The following LPP variants were observed in gnomAD, a reference collection of about 807,000 sequenced individuals.
The protein encoded by LPP is LIM domain containing preferred translocation partner in lipoma.
A neutral mutation model predicts 60.4 loss-of-function variants in LPP; 38 were observed. The observed-to-expected ratio is 0.63, with a 90% CI of 0.49 to 0.83. LPP has a LOEUF of 0.83. Ranked by LOEUF, LPP falls within the 40% of genes least tolerant of loss-of-function variation. The pLI is 0.00. For missense variants in LPP, 902 were observed against 783.6 expected (o/e 1.15, Z -1.80); for synonymous variants, 328 against 290.8 (o/e 1.13, Z -1.30).
At chr3:188,235,620 C>T (rs1721628102) in intron 2 of LPP, among the ~76,000 whole-genome samples, 1 of 152,126 alleles carries the variant, frequency 6.6e-6, no homozygotes, top group African/African-American at 2.4e-5. Context: ...TAAGTGCTGA[C>T]TTACCTTGGG....
At chr3:188,156,973 T>C (rs1345453236) in intron 1 of LPP, among the ~76,000 whole-genome samples, 1 of 152,228 alleles carries the variant, frequency 6.6e-6, no homozygotes, top group Non-Finnish European at 1.5e-5. Context: ...CTGTATTTTA[T>C]TGAGACAAAT....
At chr3:188,159,472 C>T (rs1442322511) in intron 1 of LPP, among the ~76,000 whole-genome samples, 8 of 152,214 alleles carry the variant, frequency 5.3e-5, no homozygotes, top group Admixed American at 1.3e-4. Context: ...CTTCATCTTA[C>T]ATATTTGTGT....
At chr3:188,374,717 G>T (rs1172244540) in intron 3 of LPP, among the ~76,000 whole-genome samples, 1 of 152,012 alleles carries the variant, frequency 6.6e-6, no homozygotes, top group African/African-American at 2.4e-5. Flanking sequence ...CTGCCTGATT[G>T]CCCTGGCCAG....
chr3:188,860,422 G>A (rs907816129), intron 9 of LPP, among the ~76,000 whole-genome samples: 1 of 152,032 alleles, frequency 6.6e-6, no homozygotes, highest in Non-Finnish European at 1.5e-5. Flanking sequence ...TCACATCCCA[G>A]TTCATGTGGA....
At chr3:188,540,935 C>T (rs538255694) in intron 6 of LPP, among the ~76,000 whole-genome samples, 111 of 152,274 alleles carry the variant, frequency 7.3e-4, no homozygotes, top group African/African-American at 2.6e-3. Context: ...CCTTTGGTTT[C>T]TAATGCATGG....
chr3:188,320,291 G>A (rs1369017222), intron 2 of LPP, among the ~76,000 whole-genome samples: 1 of 152,204 alleles, frequency 6.6e-6, no homozygotes, highest in Non-Finnish European at 1.5e-5. Context: ...ATAATGGAAA[G>A]CCGAAACTCC....
intron 2 of LPP, among the ~76,000 whole-genome samples, chr3:188,243,251 A>G (rs766218297): frequency 6.6e-6 from 1 of 152,212 alleles, no homozygotes; most frequent in African/African-American, 2.4e-5. Flanking sequence ...ACACTGTAAA[A>G]CAAACTAGTG....
intron 3 of LPP, among the ~76,000 whole-genome samples, chr3:188,372,491 T>A (rs1306935668): frequency 1.3e-5 from 2 of 151,974 alleles, no homozygotes; most frequent in East Asian, 3.9e-4. Context: ...TCTGGGAGTG[T>A]CTTGTTGTAA....
At chr3:188,474,534 G>C (rs1802693203) in intron 4 of LPP, among the ~76,000 whole-genome samples, 1 of 151,684 alleles carries the variant, frequency 6.6e-6, no homozygotes, top group Non-Finnish European at 1.5e-5. Context: ...ATTGTCTTTG[G>C]AGGGGTTGTA....
At chr3:188,633,772 C>A (rs1848244831) in intron 7 of LPP, among the ~76,000 whole-genome samples, 1 of 152,300 alleles carries the variant, frequency 6.6e-6, no homozygotes, top group Middle Eastern at 3.4e-3. Context: ...TCATTCATAT[C>A]ATTCTTCAAG....
intron 1 of LPP, among the ~76,000 whole-genome samples, chr3:188,171,248 G>C (rs1721504809): frequency 6.6e-6 from 1 of 152,240 alleles, no homozygotes. Flanking sequence ...GAGCCTGGCA[G>C]TATGAGGAAA....
chr3:188,341,870 C>T (rs1763149867), intron 3 of LPP, among the ~76,000 whole-genome samples, 151 bp downstream of exon 3: 1 of 152,120 alleles, frequency 6.6e-6, no homozygotes, highest in South Asian at 2.1e-4. Flanking sequence ...GTGAGCTGAC[C>T]TCTCTTTTTA....
intron 7 of LPP, among the ~76,000 whole-genome samples, chr3:188,675,709 A>T (rs1576975719): frequency 6.6e-6 from 1 of 152,164 alleles, no homozygotes; most frequent in East Asian, 1.9e-4. Context: ...TTCTATTTCA[A>T]CTCCAACATT....
intron 6 of LPP, among the ~76,000 whole-genome samples, chr3:188,577,512 C>T (rs1332269028): frequency 1.3e-5 from 2 of 151,458 alleles, no homozygotes; most frequent in Admixed American, 6.6e-5. Flanking sequence ...CTCTAATGAG[C>T]CTACTTTGCT....
chr3:188,581,558 T>C (rs944310455), intron 6 of LPP, among the ~76,000 whole-genome samples: 1 of 152,058 alleles, frequency 6.6e-6, no homozygotes, highest in African/African-American at 2.4e-5. Context: ...ACTTTACTCA[T>C]TGACCACAGG....
intron 5 of LPP, among the ~76,000 whole-genome samples, chr3:188,485,004 A>G (rs528466403): frequency 6.6e-6 from 1 of 152,266 alleles, no homozygotes; most frequent in Admixed American, 6.5e-5. Flanking sequence ...TGAGAAGGCA[A>G]CATTTCCTTG....
chr3:188,644,012 A>G (rs1850668882), intron 7 of LPP, among the ~76,000 whole-genome samples: 2 of 152,236 alleles, frequency 1.3e-5, no homozygotes, highest in Admixed American at 6.5e-5. Flanking sequence ...ATATTGAACT[A>G]TAAGGCAGTT....
intron 2 of LPP, among the ~76,000 whole-genome samples, chr3:188,228,509 C>T (rs557677408): frequency 7.9e-5 from 12 of 152,240 alleles, no homozygotes; most frequent in Admixed American, 7.2e-4. Context: ...ACAAGCTGGG[C>T]ATCGTGGCTC....
chr3:188,594,920 T>C (rs1839693753), intron 6 of LPP, among the ~76,000 whole-genome samples: 1 of 152,194 alleles, frequency 6.6e-6, no homozygotes, highest in Admixed American at 6.5e-5. Context: ...TCATGATATA[T>C]GTATGAATTT....
Sources: allele counts gnomAD v4.1 joint callset (sites outside exome capture counted in the v4.1 genomes callset), GRCh38; gene constraint gnomAD v4.1.1; transcripts MANE v1.5; gene names NCBI Gene and HGNC (gene_info 2026-07-23, HGNC 2026-07-21).